The following PIP5K1B variants were observed in gnomAD, a reference collection of about 807,000 sequenced individuals.
PIP5K1B encodes the protein phosphatidylinositol 4-phosphate 5-kinase type-1 beta.
PIP5K1B carries 42 observed loss-of-function variants against 67.0 expected under a neutral mutation model. The observed-to-expected ratio is 0.63, with a 90% CI of 0.49 to 0.81. The LOEUF (loss-of-function observed/expected upper bound fraction) is 0.81, where lower values mean the gene tolerates loss of function less well. Ranked by LOEUF, PIP5K1B falls within the 30% of genes least tolerant of loss-of-function variation. PIP5K1B has a pLI of 0.00. For synonymous variants in PIP5K1B, 214 were observed against 231.4 expected (o/e 0.92, Z 0.68); for missense variants, 459 against 646.3 (o/e 0.71, Z 3.14).
At chr9:68,716,221 G>T (rs1472882739) in intron 1 of PIP5K1B, among the ~76,000 whole-genome samples, 1 of 152,198 alleles carries the variant, frequency 6.6e-6, no homozygotes, top group Non-Finnish European at 1.5e-5. Context: ...TGTCTTCAAG[G>T]ATACAGCCAG....
chr9:69,002,450 C>T (rs774898570), intron 15 of PIP5K1B, among the ~76,000 whole-genome samples: 5 of 152,158 alleles, frequency 3.3e-5, no homozygotes, highest in South Asian at 2.1e-4. Context: ...AGCACTAGCA[C>T]GTGTATTTGT....
At chr9:68,793,395 A>G (rs115569887) in intron 2 of PIP5K1B, among the ~76,000 whole-genome samples, 271 of 152,302 alleles carry the variant, frequency 1.8e-3, no homozygotes, top group African/African-American at 6.2e-3. Flanking sequence ...AGGGGGACCA[A>G]TTAGGAGGCT....
At chr9:68,897,920 T>G (rs1450202276) in intron 8 of PIP5K1B, among the ~76,000 whole-genome samples, 2 of 152,152 alleles carry the variant, frequency 1.3e-5, no homozygotes, top group African/African-American at 4.8e-5. Context: ...CTGCTCCCCA[T>G]GGACTGCTTC....
intron 15 of PIP5K1B, among the ~76,000 whole-genome samples, chr9:68,994,060 G>C (rs1229065093): frequency 2.7e-5 from 1 of 36,730 alleles, no homozygotes; most frequent in Admixed American, 3.4e-4. Flanking sequence ...TTTTTTTTGA[G>C]ATGGAATTTC....
intron 15 of PIP5K1B, among the ~76,000 whole-genome samples, chr9:69,007,309 G>A (rs1187036847): frequency 1.3e-5 from 2 of 152,130 alleles, no homozygotes; most frequent in African/African-American, 4.8e-5. Flanking sequence ...AAGGTGCTGA[G>A]CTGCACCAGT....
chr9:68,927,291 A>G (rs1826758534), intron 12 of PIP5K1B, among the ~76,000 whole-genome samples: 1 of 152,216 alleles, frequency 6.6e-6, no homozygotes, highest in African/African-American at 2.4e-5. Flanking sequence ...TGTACCTAGA[A>G]GTGGAATTGC....
intron 6 of PIP5K1B, among the ~76,000 whole-genome samples, chr9:68,880,951 T>C (rs1366502953): frequency 6.6e-6 from 1 of 152,202 alleles, no homozygotes; most frequent in Non-Finnish European, 1.5e-5. Flanking sequence ...TGGAGTGTGA[T>C]AGATGAGGAA....
chr9:68,951,127 C>A (rs572583420), intron 14 of PIP5K1B, among the ~76,000 whole-genome samples: 2 of 152,160 alleles, frequency 1.3e-5, no homozygotes, highest in African/African-American at 2.4e-5. Flanking sequence ...CATTTAATAA[C>A]CTGTTTTCAA....
chr9:68,888,839 G>A, intron 6 of PIP5K1B, 142 bp from the exon 7 acceptor site: 1 of 548,410 alleles, frequency 1.8e-6, no homozygotes, highest in African/African-American at 1.9e-5. Flanking sequence ...AGCCTTCTCG[G>A]TATACGTGGA....
Position 68,944,743 on chromosome 9 carries a change from C to T in PIP5K1B, c.1502+3953C>T, listed in dbSNP as rs141616061. ...TTCCTGCCATTACAGTGTCATAAACCTAGAACAGGGGTGGAAACACTCTAA... is the reference window on the plus strand; with the variant it reads ...TTCCTGCCATTACAGTGTCATAAACTTAGAACAGGGGTGGAAACACTCTAA... On this transcript the variant is annotated intron_variant, in intron 14 of 15. Coordinates refer to ENST00000265382, the MANE Select transcript of PIP5K1B (RefSeq NM_003558.4). 4.6e-5 allele frequency among the ~76,000 whole-genome samples: 7 copies of T among 152,234 alleles called. No individual in the cohort carries two copies. In the East Asian group the frequency reaches 1.3e-3, roughly 29 times the overall value.
chr9:68,745,251 T>C (rs1038626342), intron 2 of PIP5K1B, among the ~76,000 whole-genome samples: 1 of 152,216 alleles, frequency 6.6e-6, no homozygotes, highest in African/African-American at 2.4e-5. Context: ...CTTCCTAAGC[T>C]TAGTCCTTTA....
chr9:68,885,954 G>A (rs1048594135), intron 6 of PIP5K1B, among the ~76,000 whole-genome samples: 10 of 152,180 alleles, frequency 6.6e-5, no homozygotes, highest in Non-Finnish European at 1.0e-4. Context: ...GGGCGAGGCC[G>A]GCGGATCATG....
At chr9:68,981,805 T>C (rs895772225) in intron 14 of PIP5K1B, among the ~76,000 whole-genome samples, 21 of 152,152 alleles carry the variant, frequency 1.4e-4, no homozygotes, top group Non-Finnish European at 2.6e-4. Flanking sequence ...ATCTTTTTTT[T>C]TTTTTCTGTA....
At chr9:68,759,336 T>C (rs1266906128) in intron 2 of PIP5K1B, among the ~76,000 whole-genome samples, 2 of 152,130 alleles carry the variant, frequency 1.3e-5, no homozygotes, top group East Asian at 3.8e-4. Context: ...TCATGGCGTG[T>C]TAAGATTTTT....
At chr9:68,734,172 A>C (rs994196412) in intron 1 of PIP5K1B, among the ~76,000 whole-genome samples, 4 of 152,206 alleles carry the variant, frequency 2.6e-5, no homozygotes, top group African/African-American at 4.8e-5. Context: ...AAGTACTCAA[A>C]TTCTTGCTAA....
At chr9:68,977,447 C>T (rs959066140) in intron 14 of PIP5K1B, among the ~76,000 whole-genome samples, 2 of 152,140 alleles carry the variant, frequency 1.3e-5, no homozygotes, top group Non-Finnish European at 2.9e-5. Flanking sequence ...CGCTTGAACC[C>T]GGGAGGCAGA....
intron 12 of PIP5K1B, among the ~76,000 whole-genome samples, chr9:68,932,392 A>G (rs975810412): frequency 4.6e-5 from 7 of 152,226 alleles, no homozygotes; most frequent in Admixed American, 2.6e-4. Context: ...CACATATTAG[A>G]AATTAAAATT....
chr9:68,917,865 T>C, intron 9 of PIP5K1B, 106 bp downstream of exon 9: 1 of 798,206 alleles, frequency 1.3e-6, no homozygotes, highest in Non-Finnish European at 2.1e-6. Context: ...TAGGAATTAA[T>C]TTCTACTTGG....
At chr9:68,911,077 A>G (rs868767920) in intron 8 of PIP5K1B, among the ~76,000 whole-genome samples, 1 of 152,328 alleles carries the variant, frequency 6.6e-6, no homozygotes, top group South Asian at 2.1e-4. Context: ...TTTGTGAGGA[A>G]AGAATGGGAA....
Sources: gnomAD v4.1 joint callset for allele counts (sites outside exome capture counted in the v4.1 genomes callset) on GRCh38, gnomAD v4.1.1 for gene constraint, MANE v1.5 for transcripts, NCBI Gene and HGNC (gene_info 2026-07-23, HGNC 2026-07-21) for gene names.